The following RBFOX1 variants were observed in gnomAD, a reference collection of about 807,000 sequenced individuals.
RBFOX1 encodes the protein RNA binding protein fox-1 homolog 1.
Under a neutral mutation model 57.7 loss-of-function variants are expected in RBFOX1, and 8 were observed. That is an observed-to-expected ratio of 0.14 (90% CI 0.08 to 0.25). RBFOX1 has a LOEUF of 0.25. Among genes scored for constraint, RBFOX1 ranks in the 10% least tolerant of loss-of-function variants. The probability of loss-of-function intolerance (pLI) is 1.00; values close to 1 mark genes in which losing one functional copy is unlikely to be tolerated. For missense variants in RBFOX1, 611 were observed against 548.5 expected, an observed-to-expected ratio of 1.11 and a Z score of -1.14; for synonymous variants, 326 against 222.4, an observed-to-expected ratio of 1.47 and a Z score of -4.15.
At chr16:7,586,190 G>A (rs2094113776) in intron 6 of RBFOX1, among the ~76,000 whole-genome samples, 2 of 152,086 alleles carry the variant, frequency 1.3e-5, no homozygotes, top group Admixed American at 6.5e-5. Context: ...TTTTCCCTGG[G>A]CCACAGTACA....
rs111523777 is a variant in RBFOX1, at chr16:6,605,829, G to T, written c.-63-48774G>T. On this transcript the variant is annotated intron_variant, in intron 2 of 15. Coordinates refer to ENST00000550418, the MANE Select transcript of RBFOX1 (RefSeq NM_018723.4). ...GAAATATGCATCCTGGCAGGCCACA[G>T]TGGCTCACTCCTGTAATCCCAGCAC... 9.5e-3 allele frequency among the ~76,000 whole-genome samples: 1,449 copies of T among 152,332 alleles called. 27 individuals carry two copies. Among genetic ancestry groups the T allele is most frequent in the African/African-American group, 0.032 (1,350 of 41,560 alleles).
intron 2 of RBFOX1, among the ~76,000 whole-genome samples, chr16:5,595,083 T>C (rs1324553327): frequency 1.4e-5 from 2 of 147,540 alleles, no homozygotes; most frequent in Non-Finnish European, 3.0e-5. Context: ...GAGGTGGAGG[T>C]TGTGGTGAGT....
At chr16:6,598,165 A>G (rs908430514) in intron 2 of RBFOX1, among the ~76,000 whole-genome samples, 8 of 152,242 alleles carry the variant, frequency 5.3e-5, no homozygotes, top group Non-Finnish European at 2.9e-5. Context: ...TCTGTTTCCT[A>G]TATGCAGAAC....
intron 1 of RBFOX1, among the ~76,000 whole-genome samples, chr16:6,142,858 C>G (rs899691792): frequency 1.3e-5 from 2 of 152,184 alleles, no homozygotes. Context: ...CAAGACTCAA[C>G]TCATTCTTCG....
At chr16:6,336,486 C>G (rs957967510) in intron 2 of RBFOX1, among the ~76,000 whole-genome samples, 1 of 152,052 alleles carries the variant, frequency 6.6e-6, no homozygotes, top group Admixed American at 6.6e-5. Flanking sequence ...TAGCTTTGAA[C>G]TTCAGCATTC....
intron 3 of RBFOX1, among the ~76,000 whole-genome samples, chr16:5,729,396 C>CTT (rs71142649): frequency 8.6e-4 from 96 of 111,432 alleles, no homozygotes; most frequent in Admixed American, 8.8e-4. Context: ...TTTTTCTTTT[C>CTT]TTTTTTTTTT....
At chr16:7,067,310 A>T (rs2056302065) in intron 4 of RBFOX1, among the ~76,000 whole-genome samples, 1 of 18,314 alleles carries the variant, frequency 5.5e-5, no homozygotes, top group Admixed American at 4.9e-4. Flanking sequence ...AATTACCACA[A>T]AAAAAATAGT....
intron 4 of RBFOX1, among the ~76,000 whole-genome samples, chr16:7,095,671 A>G (rs576734245): frequency 1.6e-4 from 25 of 152,126 alleles, no homozygotes; most frequent in Non-Finnish European, 3.4e-4. Flanking sequence ...TCATGTTGGT[A>G]AGGTCTTGGT....
chr16:5,878,099 C>A (rs917440451), intron 4 of RBFOX1, among the ~76,000 whole-genome samples: 1 of 152,096 alleles, frequency 6.6e-6, no homozygotes, highest in Non-Finnish European at 1.5e-5. Context: ...TGAAAAATAG[C>A]AAAGAGATTG....
chr16:6,826,956 T>C (rs1205877500), intron 3 of RBFOX1, among the ~76,000 whole-genome samples: 1 of 152,176 alleles, frequency 6.6e-6, no homozygotes, highest in East Asian at 1.9e-4. Flanking sequence ...TAGGTGAGGA[T>C]ATTTGACAAG....
At chr16:6,475,361 C>T (rs757531641) in intron 2 of RBFOX1, among the ~76,000 whole-genome samples, 2 of 152,114 alleles carry the variant, frequency 1.3e-5, no homozygotes, top group African/African-American at 2.4e-5. Flanking sequence ...AATGGATATT[C>T]GGTTGCAATA....
chr16:7,410,318 G>C (rs1012843549), intron 4 of RBFOX1, among the ~76,000 whole-genome samples: 2 of 152,202 alleles, frequency 1.3e-5, no homozygotes, highest in Non-Finnish European at 2.9e-5. Context: ...AAATAAGGAT[G>C]CTGAGCTGTG....
intron 1 of RBFOX1, among the ~76,000 whole-genome samples, chr16:6,054,075 A>G (rs1246666343): frequency 6.6e-6 from 1 of 152,130 alleles, no homozygotes; most frequent in Admixed American, 6.6e-5. Flanking sequence ...AATTAAATTT[A>G]AAGAAAGAAA....
intron 2 of RBFOX1, among the ~76,000 whole-genome samples, chr16:6,545,627 T>C (rs539615685): frequency 1.3e-5 from 2 of 152,322 alleles, no homozygotes; most frequent in South Asian, 4.1e-4. Context: ...ACTGTACTAA[T>C]TGCAGATTTA....
At chr16:7,567,089 A>G (rs1257828770) in intron 5 of RBFOX1, among the ~76,000 whole-genome samples, 1 of 150,794 alleles carries the variant, frequency 6.6e-6, no homozygotes, top group Non-Finnish European at 1.5e-5. Context: ...GGATATATAT[A>G]TATCTCCCTA....
intron 2 of RBFOX1, among the ~76,000 whole-genome samples, chr16:5,591,494 G>C (rs1042274256): frequency 1.3e-5 from 2 of 152,060 alleles, no homozygotes; most frequent in South Asian, 2.1e-4. Flanking sequence ...CAGGTGATCT[G>C]CCTGACTCAG....
chr16:6,416,256 C>T (rs1255428003), intron 2 of RBFOX1, among the ~76,000 whole-genome samples: 1 of 152,188 alleles, frequency 6.6e-6, no homozygotes, highest in Non-Finnish European at 1.5e-5. Flanking sequence ...GCCATCTCCA[C>T]ATCAAAACAC....
intron 1 of RBFOX1, among the ~76,000 whole-genome samples, chr16:6,152,603 A>C (rs2152726951): frequency 6.6e-6 from 1 of 152,334 alleles, no homozygotes; most frequent in Non-Finnish European, 1.5e-5. Flanking sequence ...GCAGGTCATG[A>C]ATCTAATTAC....
intron 3 of RBFOX1, among the ~76,000 whole-genome samples, chr16:7,024,707 T>G (rs1321892826): frequency 6.6e-6 from 1 of 152,194 alleles, no homozygotes; most frequent in East Asian, 1.9e-4. Context: ...CACAAATTCC[T>G]CAGCACTCTG....
Sources: allele counts gnomAD v4.1 joint callset (sites outside exome capture counted in the v4.1 genomes callset), GRCh38; gene constraint gnomAD v4.1.1; transcripts MANE v1.5; gene names NCBI Gene and HGNC (gene_info 2026-07-23, HGNC 2026-07-21).